Variants in FOXP1 observed in about 807,000 individuals in gnomAD.
The protein encoded by FOXP1 is forkhead box protein P1.
In FOXP1, 15 loss-of-function variants were observed where a neutral mutation model predicts 98.2. That is an observed-to-expected ratio of 0.15 (90% confidence interval 0.10 to 0.24). The LOEUF (loss-of-function observed/expected upper bound fraction) is 0.24. Among genes scored for constraint, FOXP1 ranks in the 10% least tolerant of loss-of-function variants. The probability of loss-of-function intolerance (pLI) is 1.00; values close to 1 mark genes in which losing one functional copy is unlikely to be tolerated. For missense variants in FOXP1, 633 were observed against 848.5 expected (o/e 0.75, Z 3.15); for synonymous variants, 371 against 314.5 (o/e 1.18, Z -1.90).
At chr3:71,021,926 T>C (rs1327952456) in intron 11 of FOXP1, among the ~76,000 whole-genome samples, 1 of 152,248 alleles carries the variant, frequency 6.6e-6, no homozygotes, top group Non-Finnish European at 1.5e-5. Context: ...TTCTTTACGG[T>C]GTGCTTTAAA....
At chr3:71,506,514 TTTCCAACTAAGGGG>T (rs1484659833) in intron 2 of FOXP1, among the ~76,000 whole-genome samples, 1 of 152,184 alleles carries the variant, frequency 6.6e-6, no homozygotes, top group Non-Finnish European at 1.5e-5. Flanking sequence ...GCTGATAACT[TTTCCAACTAAGGGG>T]TTCCACGGTA....
At chr3:71,434,833 T>C (rs554812606) in intron 3 of FOXP1, among the ~76,000 whole-genome samples, 1 of 152,204 alleles carries the variant, frequency 6.6e-6, no homozygotes, top group African/African-American at 2.4e-5. Flanking sequence ...TTGTACTATA[T>C]ACACACATGC....
intron 7 of FOXP1, among the ~76,000 whole-genome samples, chr3:71,075,890 T>G (rs1389291196): frequency 6.6e-6 from 1 of 151,976 alleles, no homozygotes; most frequent in Non-Finnish European, 1.5e-5. Flanking sequence ...AATTTTTTAT[T>G]TTTCTTTTTT....
chr3:70,962,631 T>TTTTACATAAATTACAGCA (rs2106933209), intron 20 of FOXP1, among the ~76,000 whole-genome samples: 1 of 152,308 alleles, frequency 6.6e-6, no homozygotes, highest in South Asian at 2.1e-4. Context: ...TTACTGAAAT[T>TTTTACATAAATTACAGCA]TATGTTTTAG....
chr3:71,478,600 T>C (rs2090036291), intron 3 of FOXP1, among the ~76,000 whole-genome samples: 1 of 152,240 alleles, frequency 6.6e-6, no homozygotes, highest in Non-Finnish European at 1.5e-5. Context: ...ACTTATTTAT[T>C]TATGCTTCTC....
chr3:70,994,139 G>C (rs1234547963), intron 13 of FOXP1, among the ~76,000 whole-genome samples: 3 of 151,922 alleles, frequency 2.0e-5, no homozygotes, highest in African/African-American at 7.3e-5. Flanking sequence ...ACCTAGGACA[G>C]TGCCCTGGCA....
In FOXP1 at chr3:70,970,509, G is replaced by A. The variant is rs1575738065; in HGVS notation, c.1722+227C>T. 9.2e-6 allele frequency: 5 copies of A among 546,448 alleles called. No homozygotes were observed. The East Asian group carries it at 1.6e-4, about 17-fold the overall frequency. 33.8% of individuals were successfully genotyped at this position (546,448 alleles called of 1,614,324 possible). ...TGATACTGCTGATAAATATTAATAA[G>A]TGAACTTTTAATTTTTTTGCCACAA... On this transcript the variant is annotated intron_variant, in intron 19 of 20. Transcript: ENST00000649528.
At chr3:70,972,431 C>T (rs1458192071) in intron 18 of FOXP1, 124 bp downstream of exon 18, 37 of 1,397,982 alleles carry the variant, frequency 2.6e-5, no homozygotes, top group South Asian at 3.5e-5. Context: ...TTTTTTGCTT[C>T]CCTTAACTGA....
intron 14 of FOXP1, among the ~76,000 whole-genome samples, chr3:70,986,712 T>C (rs1404059161): frequency 1.3e-5 from 2 of 151,790 alleles, no homozygotes; most frequent in African/African-American, 2.4e-5. Context: ...CCTTTCTTTT[T>C]GGTAGCCTAC....
At chr3:71,378,454 G>A (rs184653168) in intron 3 of FOXP1, among the ~76,000 whole-genome samples, 43 of 152,174 alleles carry the variant, frequency 2.8e-4, no homozygotes, top group East Asian at 1.9e-4. Context: ...GCTGAGCAGC[G>A]TGAGGACATT....
intron 7 of FOXP1, among the ~76,000 whole-genome samples, chr3:71,100,090 A>G (rs1380562363): frequency 6.6e-6 from 1 of 152,220 alleles, no homozygotes; most frequent in African/African-American, 2.4e-5. Context: ...AGATAGGTCT[A>G]TGGCAAGCTT....
chr3:71,088,352 C>T (rs1559903299), intron 7 of FOXP1, among the ~76,000 whole-genome samples: 1 of 151,806 alleles, frequency 6.6e-6, no homozygotes, highest in Non-Finnish European at 1.5e-5. Flanking sequence ...TGTTTTCTTA[C>T]AGATTTCATC....
At chr3:71,347,562 A>G (rs1162656576) in intron 4 of FOXP1, among the ~76,000 whole-genome samples, 3 of 152,126 alleles carry the variant, frequency 2.0e-5, no homozygotes, top group Non-Finnish European at 4.4e-5. Context: ...AATATCATCA[A>G]TCAACAAGAT....
chr3:71,047,704 C>T (rs999776921), intron 9 of FOXP1, among the ~76,000 whole-genome samples: 1 of 152,200 alleles, frequency 6.6e-6, no homozygotes, highest in Non-Finnish European at 1.5e-5. Context: ...CAAACAACAT[C>T]GTACTCGACT....
upstream of FOXP1, chr3:71,583,805 G>A (rs2048384568): frequency 3.0e-6 from 3 of 987,066 alleles, no homozygotes; most frequent in Non-Finnish European, 3.6e-6. Context: ...AGCCAGCGCC[G>A]GTGGCGGCGG....
In FOXP1 at chr3:70,958,766, AAGG is replaced by A. The variant is rs2032488910; in HGVS notation, c.*478_*480del. 3 of 192,396 alleles carry A rather than the reference AAGG, an allele frequency of 1.6e-5. No homozygotes were observed. The Admixed American group carries it at 1.8e-4, about 12-fold the overall frequency. The allele number at this position is 192,396 out of a possible 1,614,324, so 11.9% of individuals were successfully genotyped here. On this transcript the variant is annotated 3_prime_UTR_variant, in exon 21 of 21. Transcript: ENST00000649528. ...AAAAAAAAAAAAAAAAAAAAAAAAAAAGGAGTAAAGGCAGTGATAATCAACATG... is the reference window on the plus strand; with the variant it reads ...AAAAAAAAAAAAAAAAAAAAAAAAAAAGTAAAGGCAGTGATAATCAACATG...
intron 11 of FOXP1, among the ~76,000 whole-genome samples, chr3:71,025,060 T>C (rs2045933377): frequency 6.6e-6 from 1 of 152,188 alleles, no homozygotes; most frequent in South Asian, 2.1e-4. Context: ...ATCAGAAACA[T>C]GATTTCTCAG....
intron 5 of FOXP1, among the ~76,000 whole-genome samples, chr3:71,272,710 A>G (rs1034619443): frequency 2.0e-5 from 3 of 152,126 alleles, no homozygotes; most frequent in Non-Finnish European, 4.4e-5. Context: ...AAGAAAAGAC[A>G]CTCATATTGT....
chr3:71,237,665 C>T (rs901164360), intron 5 of FOXP1, among the ~76,000 whole-genome samples: 21 of 152,234 alleles, frequency 1.4e-4, no homozygotes, highest in African/African-American at 4.3e-4. Context: ...AATGTTCCTA[C>T]TGCTTTCTCT....
Sources: gnomAD v4.1 joint callset for allele counts (sites outside exome capture counted in the v4.1 genomes callset) on GRCh38, gnomAD v4.1.1 for gene constraint, MANE v1.5 for transcripts, NCBI Gene and HGNC (gene_info 2026-07-23, HGNC 2026-07-21) for gene names.